The following IDO2 variants were observed in gnomAD, a reference collection of about 807,000 sequenced individuals.
The protein encoded by IDO2 is indoleamine 2,3-dioxygenase 2.
IDO2 carries 46 observed loss-of-function variants against 45.1 expected under a neutral mutation model. The observed-to-expected ratio is 1.02, with a 90% CI of 0.80 to 1.30. The LOEUF is 1.30. IDO2 is among the 50% of genes most tolerant of loss of function. The pLI is 0.00. For synonymous variants in IDO2, 218 were observed against 184.9 expected, an observed-to-expected ratio of 1.18 and a Z score of -1.45; for missense variants, 544 against 491.8, an observed-to-expected ratio of 1.11 and a Z score of -1.00.
intron 8 of IDO2, among the ~76,000 whole-genome samples, chr8:39,991,406 T>C (rs138396283): frequency 1.6e-4 from 24 of 152,244 alleles, no homozygotes; most frequent in Middle Eastern, 3.4e-3. Flanking sequence ...ATTAGGGAGA[T>C]AGTGCAGGTG....
intron 3 of IDO2, among the ~76,000 whole-genome samples, chr8:39,975,011 A>G (rs1808237201): frequency 6.6e-6 from 1 of 152,056 alleles, no homozygotes; most frequent in Non-Finnish European, 1.5e-5. Context: ...TGGGAGGCTG[A>G]GGCAGGAGAA....
At chr8:39,974,699 G>T (rs1047920665) in intron 3 of IDO2, among the ~76,000 whole-genome samples, 1 of 152,162 alleles carries the variant, frequency 6.6e-6, no homozygotes, top group Admixed American at 6.5e-5. Context: ...TGGGCAGATC[G>T]ATCACAAAGT....
intron 3 of IDO2, among the ~76,000 whole-genome samples, chr8:39,969,974 A>G (rs1388865016): frequency 6.6e-6 from 1 of 152,222 alleles, no homozygotes; most frequent in Admixed American, 6.5e-5. Context: ...TCTTTTGCCA[A>G]ACAGCCAAGC....
exon 11 of IDO2, chr8:40,015,535 C>T: frequency 6.2e-7 from 1 of 1,613,984 alleles, no homozygotes; most frequent in Non-Finnish European, 8.5e-7. Flanking sequence ...GGTGGAACCG[C>T]AGTTATGAGC....
intron 8 of IDO2, among the ~76,000 whole-genome samples, chr8:39,990,763 C>T (rs1184667365): frequency 5.3e-5 from 8 of 152,182 alleles, no homozygotes; most frequent in African/African-American, 1.9e-4. Context: ...TATCAGTTTC[C>T]ATTAGGGAGC....
At chr8:40,014,069 G>C (rs1167272879) in intron 10 of IDO2, among the ~76,000 whole-genome samples, 1 of 152,092 alleles carries the variant, frequency 6.6e-6, no homozygotes, top group Non-Finnish European at 1.5e-5. Context: ...AAACAGGTCT[G>C]GGATCTTCCA....
At chr8:39,964,156 TG>T (rs1410923877) in intron 3 of IDO2, among the ~76,000 whole-genome samples, 1 of 152,170 alleles carries the variant, frequency 6.6e-6, no homozygotes, top group Admixed American at 6.5e-5. Flanking sequence ...AAATTGGCCA[TG>T]GGTTCTACAA....
chr8:39,973,485 G>A (rs896377389), intron 3 of IDO2, among the ~76,000 whole-genome samples: 1 of 151,884 alleles, frequency 6.6e-6, no homozygotes, highest in Non-Finnish European at 1.5e-5. Context: ...AAGTATGTAA[G>A]AAATACTGTG....
chr8:39,971,107 G>A (rs1164945392), intron 3 of IDO2, among the ~76,000 whole-genome samples: 2 of 152,160 alleles, frequency 1.3e-5, no homozygotes, highest in Non-Finnish European at 2.9e-5. Context: ...TAGCTTGAAA[G>A]GACAGGCTGA....
chr8:39,969,639 C>T (rs1808149792), intron 3 of IDO2, among the ~76,000 whole-genome samples: 1 of 152,210 alleles, frequency 6.6e-6, no homozygotes, highest in Admixed American at 6.5e-5. Context: ...CTTTGGGAAG[C>T]CAAGGCGGGG....
intron 10 of IDO2, among the ~76,000 whole-genome samples, chr8:40,014,696 C>CA (rs1802359935): frequency 6.6e-6 from 1 of 152,188 alleles, no homozygotes; most frequent in Non-Finnish European, 1.5e-5. Context: ...AATCTAGTTC[C>CA]AACTCTGTCA....
At chr8:39,977,991 G>A (rs970919947) in intron 3 of IDO2, among the ~76,000 whole-genome samples, 1 of 152,166 alleles carries the variant, frequency 6.6e-6, no homozygotes, top group Non-Finnish European at 1.5e-5. Context: ...AATGTACAAT[G>A]TTATTGTAGC....
In IDO2 at chr8:40,005,385, ATAGTT is replaced by A; in HGVS notation, c.719+8_719+12del. The A allele has an allele frequency of 6.5e-7, 1 of 1,545,560 alleles. No individual in the cohort carries two copies. Among genetic ancestry groups the A allele is most frequent in the Non-Finnish European group, 8.8e-7 (1 of 1,133,614 alleles). ...TCCGGATCTTTCTCTCTGGGTAAGT[ATAGTT>A]CAGTTGTTTTCCTGTGTGAAGTCTC... is the stretch of plus-strand genomic sequence containing the variant. On this transcript the variant is annotated splice_region_variant and intron_variant, in intron 9 of 10. Coordinates refer to ENST00000502986, the Ensembl canonical transcript of IDO2.
intron 4 of IDO2, among the ~76,000 whole-genome samples, 171 bp downstream of exon 4, chr8:39,979,357 A>AT (rs1418869441): frequency 2.1e-5 from 3 of 144,578 alleles, no homozygotes; most frequent in Admixed American, 7.2e-5. Flanking sequence ...TATTATTATT[A>AT]TTTTTTTATT....
chr8:40,010,256 C>T (rs893209321), intron 9 of IDO2, among the ~76,000 whole-genome samples: 7 of 151,966 alleles, frequency 4.6e-5, no homozygotes, highest in African/African-American at 1.2e-4. Flanking sequence ...GGGAGTGAGC[C>T]GCCAAGAAGG....
At chr8:39,947,851 G>A (rs185710090) in intron 1 of IDO2, among the ~76,000 whole-genome samples, 3 of 148,368 alleles carry the variant, frequency 2.0e-5, no homozygotes, top group Non-Finnish European at 3.0e-5. Flanking sequence ...GCAATGGCGC[G>A]ATCTCGGCTC....
At chr8:39,939,694 G>T (rs1046863978) in intron 1 of IDO2, among the ~76,000 whole-genome samples, 2 of 107,132 alleles carry the variant, frequency 1.9e-5, no homozygotes. Flanking sequence ...GAAAATAAAA[G>T]AGTTAAAAAA....
chr8:39,952,794 G>A (rs1434328264), intron 2 of IDO2, among the ~76,000 whole-genome samples: 1 of 150,444 alleles, frequency 6.6e-6, no homozygotes, highest in Non-Finnish European at 1.5e-5. Context: ...TTTTTTTTGA[G>A]ATGGCGTCTT....
intron 3 of IDO2, among the ~76,000 whole-genome samples, chr8:39,977,028 A>G (rs999083497): frequency 3.9e-5 from 6 of 152,152 alleles, no homozygotes; most frequent in Non-Finnish European, 8.8e-5. Flanking sequence ...TATCTTTCAA[A>G]TGTGTCTAGA....
Sources: gnomAD v4.1 joint callset for allele counts (sites outside exome capture counted in the v4.1 genomes callset) on GRCh38, gnomAD v4.1.1 for gene constraint, MANE v1.5 for transcripts, NCBI Gene and HGNC (gene_info 2026-07-23, HGNC 2026-07-21) for gene names.